Variants in RBM33 observed in about 807,000 individuals in gnomAD.
The protein encoded by RBM33 is RNA-binding protein 33.
In RBM33, 28 loss-of-function variants were observed where a neutral mutation model predicts 132.6. The ratio of observed to expected loss-of-function variants is 0.21; its 90% CI spans 0.16 to 0.29. The LOEUF (loss-of-function observed/expected upper bound fraction) is 0.29. RBM33 is among the 10% of genes least tolerant of loss of function. The probability of loss-of-function intolerance (pLI) is 1.00; values close to 1 mark genes in which losing one functional copy is unlikely to be tolerated. For missense variants in RBM33, 1,291 were observed against 1,518.5 expected (o/e 0.85, Z 2.49); for synonymous variants, 634 against 593.0 (o/e 1.07, Z -1.01).
chr7:155,667,131 C>T (rs1218273652), intron 2 of RBM33, among the ~76,000 whole-genome samples: 2 of 152,214 alleles, frequency 1.3e-5, no homozygotes, highest in African/African-American at 4.8e-5. Context: ...TGTCATGCCA[C>T]TTCCGAATGC....
At chr7:155,659,801 G>A (rs947312894) in intron 1 of RBM33, among the ~76,000 whole-genome samples, 7 of 150,096 alleles carry the variant, frequency 4.7e-5, no homozygotes, top group Admixed American at 4.6e-4. Context: ...CAGGAGACCG[G>A]AAGTCCATAT....
chr7:155,721,113 G>A (rs1041321305), intron 9 of RBM33, among the ~76,000 whole-genome samples: 7 of 150,484 alleles, frequency 4.7e-5, no homozygotes, highest in Admixed American at 4.6e-4. Flanking sequence ...CCTAGGATAG[G>A]TAACATTCTA....
intron 1 of RBM33, among the ~76,000 whole-genome samples, chr7:155,660,783 T>C (rs1268993841): frequency 6.6e-6 from 1 of 152,206 alleles, no homozygotes; most frequent in Admixed American, 6.5e-5. Flanking sequence ...TATTTTCCAG[T>C]ACCTTTTGGA....
At chr7:155,736,175 G>A (rs189824737) in intron 9 of RBM33, among the ~76,000 whole-genome samples, 64 of 152,320 alleles carry the variant, frequency 4.2e-4, no homozygotes, top group Non-Finnish European at 7.5e-4. Flanking sequence ...ACAGACTTTT[G>A]TAGGGAGAAG....
chr7:155,683,131 T>C (rs766470667), intron 5 of RBM33, among the ~76,000 whole-genome samples: 6 of 152,258 alleles, frequency 3.9e-5, no homozygotes, highest in Non-Finnish European at 8.8e-5. Flanking sequence ...TCTTGATACA[T>C]GTGTTCTAGC....
chr7:155,775,032 C>A lies in RBM33; in HGVS notation c.3504C>A (p.Ile1168=). The change falls in exon 18 of 18, where the codon ATC becomes ATA. Residue 1168 remains isoleucine (I), a synonymous_variant. Coordinates refer to ENST00000401878, the MANE Select transcript of RBM33 (RefSeq NM_053043.3). ...TGTCCCACATAAATGTGGCCCTGAT[C>A]GTGGAGTGAGTCCTAACAAGAGAGC... The part of the protein sequence containing the change: ...IDLSHINVAL[I]VE The A allele has an allele frequency of 6.2e-7, 1 of 1,613,336 alleles. No homozygotes were observed.
intron 13 of RBM33, among the ~76,000 whole-genome samples, chr7:155,742,624 C>T (rs1246493145): frequency 2.0e-5 from 3 of 152,280 alleles, no homozygotes; most frequent in Admixed American, 2.0e-4. Context: ...ACACTATTAA[C>T]CTCTAGAAGA....
Position 155,739,849 on chromosome 7 carries a change from G to A in RBM33, c.1872G>A (p.Gln624=), listed in dbSNP as rs978861170. The A allele has an allele frequency of 2.0e-5, 12 of 591,956 alleles. No homozygotes were observed. In the African/African-American group the frequency reaches 5.2e-4, roughly 26 times the overall value. 36.7% of individuals were successfully genotyped at this position (591,956 alleles called of 1,614,324 possible). The change falls in exon 12 of 18, where the codon CAG becomes CAA. Residue 624 remains glutamine, a synonymous_variant. Coordinates refer to ENST00000401878, the MANE Select transcript of RBM33 (RefSeq NM_053043.3). ...QPPPQHQPPP[Q]HPPQHPPQHQ... ...CGCCCCAGCACCAGCCCCCACCCCA[G>A]CACCCACCACAGCACCCGCCGCAGC...
At chr7:155,708,913 A>G (rs1471401847) in intron 7 of RBM33, among the ~76,000 whole-genome samples, 1 of 151,798 alleles carries the variant, frequency 6.6e-6, no homozygotes, top group Non-Finnish European at 1.5e-5. Context: ...CTCTGCTTGT[A>G]CCCATTTTCT....
chr7:155,691,394 T>A (rs1799636577), intron 5 of RBM33, among the ~76,000 whole-genome samples: 1 of 152,222 alleles, frequency 6.6e-6, no homozygotes, highest in Non-Finnish European at 1.5e-5. Context: ...GGTTTTTAGC[T>A]TCTTTGCGAT....
At chr7:155,659,019 T>C (rs887384748) in intron 1 of RBM33, among the ~76,000 whole-genome samples, 2 of 152,188 alleles carry the variant, frequency 1.3e-5, no homozygotes, top group African/African-American at 4.8e-5. Context: ...GTAGACAGAC[T>C]TCAGTGACCA....
intron 14 of RBM33, among the ~76,000 whole-genome samples, chr7:155,761,586 C>T (rs1272732928): frequency 6.6e-6 from 1 of 152,118 alleles, no homozygotes; most frequent in Non-Finnish European, 1.5e-5. Flanking sequence ...TGTAAAGTTG[C>T]TTGTAATGTT....
At chr7:155,685,536 C>G (rs1799452832) in intron 5 of RBM33, among the ~76,000 whole-genome samples, 1 of 152,062 alleles carries the variant, frequency 6.6e-6, no homozygotes, top group Admixed American at 6.6e-5. Context: ...AAAGTAAAAC[C>G]TCCCAAGAGA....
chr7:155,700,289 C>G (rs909709641), intron 5 of RBM33, among the ~76,000 whole-genome samples: 1 of 152,108 alleles, frequency 6.6e-6, no homozygotes, highest in East Asian at 1.9e-4. Context: ...ATCAGTAGAA[C>G]GGCACATTTG....
At chr7:155,658,327 C>A (rs1319975165) in intron 1 of RBM33, among the ~76,000 whole-genome samples, 1 of 150,730 alleles carries the variant, frequency 6.6e-6, no homozygotes, top group Non-Finnish European at 1.5e-5. Context: ...CTTTCACTTT[C>A]AATTTATTAG....
chr7:155,769,892 G>A (rs561997605), intron 16 of RBM33, among the ~76,000 whole-genome samples: 1 of 152,308 alleles, frequency 6.6e-6, no homozygotes, highest in Admixed American at 6.5e-5. Flanking sequence ...CAACGGAAAA[G>A]CTAGTTAACT....
chr7:155,725,256 T>C (rs140987060), intron 9 of RBM33, among the ~76,000 whole-genome samples: 1 of 147,446 alleles, frequency 6.8e-6, no homozygotes, highest in Non-Finnish European at 1.5e-5. Context: ...ATAGAGCATA[T>C]ATGGTTGAAA....
At chr7:155,748,964 AAT>A (rs1801609351) in intron 14 of RBM33, among the ~76,000 whole-genome samples, 1 of 152,028 alleles carries the variant, frequency 6.6e-6, no homozygotes, top group South Asian at 2.1e-4. Context: ...GCTGCTCTGA[AAT>A]TTCTTGCTGT....
chr7:155,717,486 TGAGGTACGG>T (rs1442137877), intron 8 of RBM33, among the ~76,000 whole-genome samples: 1 of 106,162 alleles, frequency 9.4e-6, no homozygotes, highest in African/African-American at 3.8e-5. Context: ...AGTTACATTC[TGAGGTACGG>T]GGGGTTGGGG....
Sources: allele counts gnomAD v4.1 joint callset (sites outside exome capture counted in the v4.1 genomes callset), GRCh38; gene constraint gnomAD v4.1.1; transcripts MANE v1.5; gene names NCBI Gene and HGNC (gene_info 2026-07-23, HGNC 2026-07-21).